BABAM2: variants seen among roughly 807,000 people sequenced by gnomAD.
The protein encoded by BABAM2 is BRISC and BRCA1-A complex member 2.
Under a neutral mutation model 54.7 loss-of-function variants are expected in BABAM2, and 31 were observed. The ratio of observed to expected loss-of-function variants is 0.57; its 90% CI spans 0.43 to 0.77. The LOEUF is 0.77. Ranked by LOEUF, BABAM2 falls within the 30% of genes least tolerant of loss-of-function variation. BABAM2 has a pLI of 0.00. For missense variants in BABAM2, 364 were observed against 455.8 expected (o/e 0.80, Z 1.83); for synonymous variants, 167 against 162.9 (o/e 1.03, Z -0.19).
intron 6 of BABAM2, among the ~76,000 whole-genome samples, chr2:28,075,666 G>A (rs1664598888): frequency 6.6e-6 from 1 of 151,964 alleles, no homozygotes; most frequent in Non-Finnish European, 1.5e-5. Context: ...AGTTTTGATA[G>A]ATAATGGAAA....
At chr2:28,091,708 A>G (rs930093807) in intron 6 of BABAM2, among the ~76,000 whole-genome samples, 1 of 152,242 alleles carries the variant, frequency 6.6e-6, no homozygotes, top group African/African-American at 2.4e-5. Flanking sequence ...TTCCTTGTCT[A>G]TGTGGGTAAG....
chr2:27,953,344 G>A (rs2148411934), intron 3 of BABAM2, among the ~76,000 whole-genome samples: 1 of 152,124 alleles, frequency 6.6e-6, no homozygotes, highest in South Asian at 2.1e-4. Flanking sequence ...CTCCTCGCCT[G>A]GCTAATTTTT....
chr2:28,323,108 G>A (rs1572417268), intron 11 of BABAM2, among the ~76,000 whole-genome samples: 2 of 152,218 alleles, frequency 1.3e-5, no homozygotes, highest in Admixed American at 6.5e-5. Flanking sequence ...TGCTCTGGGA[G>A]TCAAGTGACT....
intron 3 of BABAM2, among the ~76,000 whole-genome samples, chr2:27,946,990 A>T (rs1669347201): frequency 6.6e-6 from 1 of 152,022 alleles, no homozygotes; most frequent in Non-Finnish European, 1.5e-5. Context: ...GCTTTCCTTG[A>T]TGAATCTAGC....
At chr2:28,052,759 A>G (rs1678094395) in intron 6 of BABAM2, among the ~76,000 whole-genome samples, 2 of 152,208 alleles carry the variant, frequency 1.3e-5, no homozygotes, top group South Asian at 2.1e-4. Context: ...AGGTAATGGC[A>G]TGAGTGTTAA....
intron 3 of BABAM2, among the ~76,000 whole-genome samples, chr2:27,965,658 T>TAC (rs757230016): frequency 3.9e-5 from 6 of 152,188 alleles, no homozygotes; most frequent in African/African-American, 7.2e-5. Context: ...GCTATATATA[T>TAC]ACACACACGT....
intron 4 of BABAM2, among the ~76,000 whole-genome samples, chr2:28,015,048 T>C (rs1168548079): frequency 6.6e-6 from 1 of 152,206 alleles, no homozygotes; most frequent in Non-Finnish European, 1.5e-5. Context: ...CTTTTGGGTC[T>C]TTCTCATGCT....
At chr2:28,243,105 A>G (rs1682592555) in intron 9 of BABAM2, among the ~76,000 whole-genome samples, 1 of 152,210 alleles carries the variant, frequency 6.6e-6, no homozygotes, top group African/African-American at 2.4e-5. Flanking sequence ...TTTTTAATGT[A>G]CTTTTTTGTG....
At chr2:27,918,384 T>C (rs1361638758) in intron 2 of BABAM2, among the ~76,000 whole-genome samples, 1 of 152,178 alleles carries the variant, frequency 6.6e-6, no homozygotes, top group Non-Finnish European at 1.5e-5. Flanking sequence ...GTCCTCAAGA[T>C]GTATCCATGT....
At chr2:28,153,543 T>C (rs1428559465) in intron 7 of BABAM2, among the ~76,000 whole-genome samples, 1 of 152,220 alleles carries the variant, frequency 6.6e-6, no homozygotes, top group Non-Finnish European at 1.5e-5. Flanking sequence ...GGTATTGCTG[T>C]CTTTGAGACC....
intron 8 of BABAM2, among the ~76,000 whole-genome samples, chr2:28,240,739 G>A (rs552249598): frequency 1.3e-5 from 2 of 151,634 alleles, no homozygotes; most frequent in South Asian, 2.1e-4. Flanking sequence ...GCATAGTGGC[G>A]GACTCCTATA....
chr2:28,277,692 C>G (rs1685993427), intron 10 of BABAM2, among the ~76,000 whole-genome samples: 1 of 152,162 alleles, frequency 6.6e-6, no homozygotes, highest in Admixed American at 6.5e-5. Context: ...GCACTATTAC[C>G]AAGAGCGTTC....
intron 6 of BABAM2, among the ~76,000 whole-genome samples, chr2:28,069,071 T>G (rs758671438): frequency 1.2e-4 from 18 of 152,144 alleles, no homozygotes; most frequent in Non-Finnish European, 1.9e-4. Flanking sequence ...GAGAAAAGCT[T>G]CTTCATCATC....
chr2:27,935,208 G>T (rs1322059150), intron 3 of BABAM2, among the ~76,000 whole-genome samples: 1 of 152,192 alleles, frequency 6.6e-6, no homozygotes, highest in Non-Finnish European at 1.5e-5. Context: ...AGGCCCATAA[G>T]AATTATGCTA....
intron 6 of BABAM2, among the ~76,000 whole-genome samples, chr2:28,123,380 C>G (rs1669241561): frequency 6.6e-6 from 1 of 152,200 alleles, no homozygotes; most frequent in African/African-American, 2.4e-5. Context: ...CAATAGTCTT[C>G]TTTAGCTTTA....
At chr2:28,326,835 G>A (rs1384663610) in intron 11 of BABAM2, among the ~76,000 whole-genome samples, 3 of 152,198 alleles carry the variant, frequency 2.0e-5, no homozygotes, top group Non-Finnish European at 2.9e-5. Context: ...ATTAGGATAC[G>A]CAGTGTCACA....
intron 6 of BABAM2, among the ~76,000 whole-genome samples, chr2:28,108,173 G>A (rs768096239): frequency 6.6e-6 from 1 of 151,792 alleles, no homozygotes; most frequent in Non-Finnish European, 1.5e-5. Flanking sequence ...TATATATATG[G>A]CAACATTTGA....
rs183402894 is a variant in BABAM2 at position 27,942,292 on chromosome 2, A to G, written c.205+12384A>G. On this transcript the variant is annotated intron_variant, in intron 3 of 11. Transcript: ENST00000379624. ...CAGCTGAAATAGATATTGAGACTTTATTGATTTATCTCATCTATAAGAATT... is the reference window on the plus strand; with the variant it reads ...CAGCTGAAATAGATATTGAGACTTTGTTGATTTATCTCATCTATAAGAATT... Among the ~76,000 whole-genome samples the G allele has an allele frequency of 4.6e-5, 7 of 152,232 alleles. No homozygotes were observed. The East Asian group carries it at 1.2e-3, about 25-fold the overall frequency.
chr2:28,097,568 ACTT>A (rs1558332177), intron 6 of BABAM2, among the ~76,000 whole-genome samples: 1 of 152,016 alleles, frequency 6.6e-6, no homozygotes, highest in African/African-American at 2.4e-5. Flanking sequence ...ACCTTATATC[ACTT>A]ACATTTGTTA....
Sources: allele counts gnomAD v4.1 joint callset (sites outside exome capture counted in the v4.1 genomes callset), GRCh38; gene constraint gnomAD v4.1.1; transcripts MANE v1.5; gene names NCBI Gene and HGNC (gene_info 2026-07-23, HGNC 2026-07-21).